Variants in GABRB3 observed in about 807,000 individuals in gnomAD.
GABRB3 encodes the protein gamma-aminobutyric acid receptor subunit beta-3.
GABRB3 carries 14 observed loss-of-function variants against 52.1 expected under a neutral mutation model. That is an observed-to-expected ratio of 0.27 (90% CI 0.18 to 0.42). The LOEUF is 0.42. Among genes scored for constraint, GABRB3 ranks in the 10% least tolerant of loss-of-function variants. The pLI, the probability that GABRB3 is intolerant of heterozygous loss-of-function variation, is 1.00. For synonymous variants in GABRB3, 260 were observed against 232.3 expected (o/e 1.12, Z -1.08); for missense variants, 307 against 609.1 (o/e 0.50, Z 5.22).
chr15:26,652,067 A>G (rs1266101547), intron 3 of GABRB3, among the ~76,000 whole-genome samples: 1 of 152,150 alleles, frequency 6.6e-6, no homozygotes, highest in Non-Finnish European at 1.5e-5. Context: ...GCCACCTATG[A>G]GCCTTCCTCT....
chr15:26,755,847 G>C (rs1391473697), intron 3 of GABRB3, among the ~76,000 whole-genome samples: 2 of 152,136 alleles, frequency 1.3e-5, no homozygotes, highest in African/African-American at 4.8e-5. Context: ...TAGGCACAAA[G>C]ATATTCATCA....
chr15:26,656,029 T>A (rs575565127), intron 3 of GABRB3, among the ~76,000 whole-genome samples: 1 of 152,328 alleles, frequency 6.6e-6, no homozygotes, highest in East Asian at 1.9e-4. Context: ...TCCTTTCTGT[T>A]ATTTGCCTCT....
chr15:26,694,629 C>T (rs1321014767), intron 3 of GABRB3, among the ~76,000 whole-genome samples: 1 of 152,168 alleles, frequency 6.6e-6, no homozygotes, highest in Admixed American at 6.5e-5. Flanking sequence ...TTCTCTTTAT[C>T]CAATGCATCA....
intron 3 of GABRB3, among the ~76,000 whole-genome samples, chr15:26,769,088 T>C (rs1027556410): frequency 3.9e-5 from 6 of 152,170 alleles, no homozygotes; most frequent in African/African-American, 1.4e-4. Flanking sequence ...TCTACAATTG[T>C]TTAAAGCAAA....
At chr15:26,589,950 C>T (rs187631541) in intron 4 of GABRB3, among the ~76,000 whole-genome samples, 3 of 152,272 alleles carry the variant, frequency 2.0e-5, no homozygotes, top group Admixed American at 2.0e-4. Context: ...ATGTAAGAGT[C>T]AGCGGGGACA....
chr15:26,563,775 T>C lies in GABRB3; in HGVS notation c.836-2599A>G, dbSNP rs990013449. On this transcript the variant is annotated intron_variant, in intron 7 of 8. Coordinates refer to ENST00000311550, the MANE Select transcript of GABRB3 (RefSeq NM_000814.6). Reference sequence around the variant, plus strand: ...ATCCAGCTGCAGTACAGGAAATGGCTGGGTGGTGGCTTTCGTGTTTTTTTG... The same window carrying C: ...ATCCAGCTGCAGTACAGGAAATGGCCGGGTGGTGGCTTTCGTGTTTTTTTG... Among the ~76,000 whole-genome samples the C allele has an allele frequency of 4.6e-5, 7 of 152,334 alleles. No homozygotes were observed. The South Asian group carries it at 1.0e-3, about 23-fold the overall frequency.
intron 3 of GABRB3, among the ~76,000 whole-genome samples, chr15:26,656,657 T>C (rs1457940771): frequency 6.6e-6 from 1 of 152,164 alleles, no homozygotes; most frequent in African/African-American, 2.4e-5. Flanking sequence ...AATCCTATTG[T>C]GAACTGCACA....
At chr15:26,772,798 G>A (rs763748758) in intron 1 of GABRB3, 26 bp from the exon 2 acceptor site, 5 of 1,529,660 alleles carry the variant, frequency 3.3e-6, no homozygotes, top group Non-Finnish European at 3.5e-6. Flanking sequence ...GGAGCACAAA[G>A]AGCGGGGTCA....
At chr15:26,551,751 T>C (rs1889473020) in intron 8 of GABRB3, among the ~76,000 whole-genome samples, 1 of 152,154 alleles carries the variant, frequency 6.6e-6, no homozygotes, top group African/African-American at 2.4e-5. Context: ...GTTTAGAAGT[T>C]GTCAGATAGT....
chr15:26,675,576 G>A (rs116315349), intron 3 of GABRB3, among the ~76,000 whole-genome samples: 1,748 of 152,288 alleles, frequency 0.011, 32 homozygotes, highest in African/African-American at 0.04. Context: ...GGGCTATTGA[G>A]ATAGGTATAG....
At chr15:26,718,501 G>T (rs930549001) in intron 3 of GABRB3, among the ~76,000 whole-genome samples, 1 of 152,090 alleles carries the variant, frequency 6.6e-6, no homozygotes, top group Admixed American at 6.5e-5. Context: ...GAGCCACCGC[G>T]CCCAGCCTTA....
At position 26,621,138 on chromosome 15, in the gene GABRB3, T is replaced by C. The variant is rs1349097677; in HGVS notation, c.461+176A>G. On this transcript the variant is annotated intron_variant, in intron 4 of 8. Transcript: ENST00000311550. This position sits in a 1 kb window ranked among gnomAD's most constrained non-coding sequence, Gnocchi z 4.1. ...TGCTTGTGACTATTTACAGTAACAG[T>C]AATGCCCCAAATTTTATGGTTATGA... 1.4e-5 allele frequency among the ~76,000 whole-genome samples: 2 copies of C among 146,710 alleles called. No individual in the cohort carries two copies. Among genetic ancestry groups the C allele is most frequent in the African/African-American group, 5.1e-5 (2 of 38,890 alleles).
At chr15:26,580,958 T>C (rs1484537511) in intron 5 of GABRB3, among the ~76,000 whole-genome samples, 1 of 152,202 alleles carries the variant, frequency 6.6e-6, no homozygotes, top group Non-Finnish European at 1.5e-5. Flanking sequence ...CTTGGCATAT[T>C]TGGATGGTTT....
At position 26,628,630 on chromosome 15, in the gene GABRB3, G is replaced by A. The variant is rs151071152; in HGVS notation, c.241-7096C>T. On this transcript the variant is annotated intron_variant, in intron 3 of 8. Coordinates refer to ENST00000311550, the MANE Select transcript of GABRB3 (RefSeq NM_000814.6). ...CAGTCTTGGGTATGGACATCTGGTC[G>A]AAGCAGCTCCTGTTATCAACTGACC... 1.9e-3 allele frequency among the ~76,000 whole-genome samples: 295 copies of A among 152,100 alleles called. 2 individuals are homozygous for A. Among genetic ancestry groups the A allele is most frequent in the African/African-American group, 6.9e-3 (286 of 41,470 alleles).
chr15:26,709,586 C>T lies in GABRB3; in HGVS notation c.240+62816G>A, dbSNP rs533645447. 8.5e-4 allele frequency among the ~76,000 whole-genome samples: 121 copies of T among 142,634 alleles called. 1 individual carries two copies. Among genetic ancestry groups the T allele is most frequent in the African/African-American group, 2.9e-3 (111 of 38,346 alleles). 93.6% of individuals were successfully genotyped at this position (142,634 alleles called of 152,430 possible). A position where few individuals can be genotyped will look rare whatever the true frequency, so the allele number is the denominator to read the frequency against. ...AGACTGGAGTGCAGTGGCGCCATCT[C>T]AGCTCACTGCAAGCTCTGCCTCCTG... On this transcript the variant is annotated intron_variant, in intron 3 of 8. Coordinates refer to ENST00000311550, the MANE Select transcript of GABRB3 (RefSeq NM_000814.6).
chr15:26,565,710 G>T (rs1472994364), intron 7 of GABRB3, among the ~76,000 whole-genome samples: 1 of 152,130 alleles, frequency 6.6e-6, no homozygotes, highest in Non-Finnish European at 1.5e-5. Flanking sequence ...ATCTGTAATG[G>T]CTGGGAAATT....
At position 26,574,230 on chromosome 15, in the gene GABRB3, C is replaced by A. The variant is rs117718947; in HGVS notation, c.682+6089G>T. Among the ~76,000 whole-genome samples, 113 of 152,232 alleles carry A rather than the reference C, an allele frequency of 7.4e-4. No individual in the cohort carries two copies. The East Asian group carries it at 0.02, about 27-fold the overall frequency. On this transcript the variant is annotated intron_variant, in intron 6 of 8. Coordinates refer to ENST00000311550, the MANE Select transcript of GABRB3 (RefSeq NM_000814.6). ...GACCACAATGAGATACCACACCATACCCTATGGCCACAATAAAAAAGACAG... is the reference window on the plus strand; with the variant it reads ...GACCACAATGAGATACCACACCATAACCTATGGCCACAATAAAAAAGACAG...
chr15:26,703,947 C>T (rs775484858), intron 3 of GABRB3, among the ~76,000 whole-genome samples: 4 of 152,114 alleles, frequency 2.6e-5, no homozygotes, highest in Non-Finnish European at 4.4e-5. Context: ...GCCAGGCTGG[C>T]GTTGCATATT....
At chr15:26,681,637 G>C (rs894820824) in intron 3 of GABRB3, among the ~76,000 whole-genome samples, 1 of 152,168 alleles carries the variant, frequency 6.6e-6, no homozygotes, top group Non-Finnish European at 1.5e-5. Context: ...CCCAGGCCTT[G>C]CAGCTTGGAA....
Sources: allele counts gnomAD v4.1 joint callset (sites outside exome capture counted in the v4.1 genomes callset), GRCh38; gene constraint gnomAD v4.1.1; non-coding constraint Gnocchi (gnomAD v3.1); transcripts MANE v1.5; gene names NCBI Gene and HGNC (gene_info 2026-07-23, HGNC 2026-07-21).